Variants in MPP4 observed in about 807,000 individuals in gnomAD.
MPP4 encodes the protein MAGUK p55 scaffold protein 4, also known as MAGUK p55 subfamily member 4.
MPP4 carries 91 observed loss-of-function variants against 98.3 expected under a neutral mutation model. The observed-to-expected ratio is 0.93, with a 90% CI of 0.78 to 1.10. The LOEUF (loss-of-function observed/expected upper bound fraction) is 1.10. MPP4 is among the 50% of genes least tolerant of loss of function. MPP4 has a pLI of 0.00. For synonymous variants in MPP4, 261 were observed against 271.8 expected (o/e 0.96, Z 0.39); for missense variants, 744 against 792.9 (o/e 0.94, Z 0.74).
intron 18 of MPP4, among the ~76,000 whole-genome samples, chr2:201,653,042 C>A (rs1457781527): frequency 1.3e-5 from 2 of 152,176 alleles, no homozygotes; most frequent in Admixed American, 6.5e-5. Context: ...CCTTCCAAAG[C>A]CTGATATATT....
intron 13 of MPP4, 173 bp from the exon 14 acceptor site, chr2:201,664,274 T>A: frequency 6.8e-7 from 1 of 1,479,424 alleles, no homozygotes; most frequent in Non-Finnish European, 9.1e-7. Flanking sequence ...ATATATCAGC[T>A]TTACATGAAA....
At chr2:201,685,226 G>A (rs1406985349) in intron 6 of MPP4, 81 bp from the exon 7 acceptor site, 1 of 250,556 alleles carries the variant, frequency 4.0e-6, no homozygotes, top group Non-Finnish European at 5.3e-6. Flanking sequence ...ATGCAGCTCT[G>A]GTCTTTCAAT....
At chr2:201,651,424 CA>C in intron 18 of MPP4, 1 of 985,382 alleles carries the variant, frequency 1.0e-6, no homozygotes, top group Non-Finnish European at 1.2e-6. Context: ...TGAATTATGT[CA>C]ATCTAAACCC....
chr2:201,672,004 A>G (rs1688356200), intron 11 of MPP4, among the ~76,000 whole-genome samples: 1 of 152,134 alleles, frequency 6.6e-6, no homozygotes, highest in African/African-American at 2.4e-5. Flanking sequence ...CCGGAAGTAA[A>G]ACATTCCTCA....
At position 201,669,769 on chromosome 2, in the gene MPP4, T is replaced by C. The variant is rs1477517417; in HGVS notation, c.995-19A>G. 2.1e-6 allele frequency: 3 copies of C among 1,407,934 alleles called. No individual in the cohort carries two copies. Among genetic ancestry groups the C allele is most frequent in the Non-Finnish European group, 1.9e-6 (2 of 1,064,594 alleles). The allele number at this position is 1,407,934 out of a possible 1,614,324, so 87.2% of individuals were successfully genotyped here. The stretch of plus-strand genomic sequence containing the variant: ...GAAATTGCTGAGTACAAGCAAATGA[T>C]TGAAGCAGGGGGGATAAAAAGAACA... On this transcript the variant is annotated intron_variant, in intron 11 of 21. Transcript: ENST00000409474.
chr2:201,695,858 T>C (rs1689165018), intron 1 of MPP4, among the ~76,000 whole-genome samples: 2 of 152,084 alleles, frequency 1.3e-5, no homozygotes, highest in African/African-American at 4.8e-5. Flanking sequence ...CCAAGGGGTA[T>C]GCGGTGGGGG....
intron 21 of MPP4, among the ~76,000 whole-genome samples, chr2:201,646,029 C>T (rs1038017700): frequency 1.3e-5 from 2 of 151,858 alleles, no homozygotes; most frequent in African/African-American, 4.8e-5. Context: ...AAATGAGGTC[C>T]AATAAATGTC....
At chr2:201,664,216 T>C in intron 13 of MPP4, 115 bp from the exon 14 acceptor site, 1 of 1,497,386 alleles carries the variant, frequency 6.7e-7, no homozygotes, top group Non-Finnish European at 9.0e-7. Flanking sequence ...ACCACCTTTG[T>C]AAAGTTTTTT....
rs767149982 is a variant in MPP4, at chr2:201,647,764, T to C, written c.1646A>G (p.Asn549Ser). Reference protein sequence around the residue: ...KPYVIFIKPSNMRCMKQSRKN... With the variant: ...KPYVIFIKPSSMRCMKQSRKN... Reference sequence around the variant, plus strand: ...CCGAGATTGTTTCATACACCTCATATTCGATGGCTTTATAAATATGACATA... The same window carrying C: ...CCGAGATTGTTTCATACACCTCATACTCGATGGCTTTATAAATATGACATA... Residue 549 changes from asparagine to serine, a missense_variant, in exon 21 of 22, where the codon AAT becomes AGT. Transcript: ENST00000409474. 1.2e-6 allele frequency: 2 copies of C among 1,613,994 alleles called. No individual in the cohort carries two copies. The highest frequency in any genetic ancestry group is 3.3e-5 in the Admixed American group (2 of 60,032).
chr2:201,669,204 GTCC>G (rs1360932525), intron 12 of MPP4, among the ~76,000 whole-genome samples: 2 of 151,688 alleles, frequency 1.3e-5, no homozygotes, highest in Admixed American at 1.3e-4. Flanking sequence ...GTAACTGAAG[GTCC>G]CATTTGTTCC....
intron 1 of MPP4, among the ~76,000 whole-genome samples, chr2:201,694,903 C>T (rs1021419099): frequency 3.9e-5 from 6 of 152,022 alleles, no homozygotes; most frequent in Non-Finnish European, 5.9e-5. Context: ...TGTGAGCCAT[C>T]GCACCTGGCC....
At chr2:201,649,282 CAAG>C (rs1687652589) in intron 20 of MPP4, among the ~76,000 whole-genome samples, 1 of 152,180 alleles carries the variant, frequency 6.6e-6, no homozygotes, top group South Asian at 2.1e-4. Flanking sequence ...ATTCACTCCA[CAAG>C]AAGTTACTCT....
rs146287381 is a variant in MPP4, at chr2:201,676,725, C to G, written c.930-1454G>C. On this transcript the variant is annotated intron_variant, in intron 10 of 21. Transcript: ENST00000409474. ...GACCAGCTTGGCCAACACAGTGAAACCCCATCTCTACTAAAAATACAAAAA... is the reference window on the plus strand; with the variant it reads ...GACCAGCTTGGCCAACACAGTGAAAGCCCATCTCTACTAAAAATACAAAAA... Among the ~76,000 whole-genome samples the G allele has an allele frequency of 2.9e-3, 434 of 152,250 alleles. 6 individuals carry two copies. Among genetic ancestry groups the G allele is most frequent in the African/African-American group, 9.8e-3 (408 of 41,568 alleles).
intron 1 of MPP4, 93 bp downstream of exon 1, chr2:201,698,494 T>C (rs1689256072): frequency 1.0e-6 from 1 of 960,162 alleles, no homozygotes. Flanking sequence ...ATTACCCAGA[T>C]TTATATCTTT....
At chr2:201,683,733 C>G (rs1411052623) in intron 7 of MPP4, among the ~76,000 whole-genome samples, 1 of 143,624 alleles carries the variant, frequency 7.0e-6, no homozygotes, top group Non-Finnish European at 1.5e-5. Flanking sequence ...GCCTAGGTGA[C>G]AGAGTGAGAC....
In MPP4 at chr2:201,692,972, T is replaced by A; in HGVS notation, c.137A>T (p.Asp46Val). 10 of 1,613,134 alleles carry A rather than the reference T, an allele frequency of 6.2e-6. No homozygotes were observed. The highest frequency in any genetic ancestry group is 8.5e-6 in the Non-Finnish European group (10 of 1,179,580). ...LQELSLFYGR[D>V]VNGVCLLYDL... ...GTACAAGAGACACACTCCATTCACA[T>A]CTCTGCCGTAGAACAGACTCAGCTC... is the stretch of plus-strand genomic sequence containing the variant. The change falls in exon 3 of 22, where the codon GAT (aspartate) becomes GTT (valine). Residue 46 changes from aspartate to valine, a missense_variant. Coordinates refer to ENST00000409474, the MANE Select transcript of MPP4 (RefSeq NM_033066.3).
intron 11 of MPP4, among the ~76,000 whole-genome samples, chr2:201,673,789 G>T (rs1256030416): frequency 1.3e-5 from 2 of 152,194 alleles, no homozygotes; most frequent in African/African-American, 4.8e-5. Context: ...TTGGAGAAGG[G>T]AGACATAATA....
chr2:201,697,009 G>A (rs1689205895), intron 1 of MPP4, among the ~76,000 whole-genome samples: 2 of 152,248 alleles, frequency 1.3e-5, no homozygotes, highest in African/African-American at 2.4e-5. Context: ...TTTGAAGATG[G>A]GGCCTTTGGG....
chr2:201,646,883 T>C (rs1687571874), intron 21 of MPP4: 3 of 152,152 alleles, frequency 2.0e-5, no homozygotes, highest in Admixed American at 2.0e-4. Context: ...TGAATATACT[T>C]AACACTAAAT....
Sources: allele counts gnomAD v4.1 joint callset (sites outside exome capture counted in the v4.1 genomes callset), GRCh38; gene constraint gnomAD v4.1.1; transcripts MANE v1.5; gene names NCBI Gene and HGNC (gene_info 2026-07-23, HGNC 2026-07-21).